The following CDC42BPA variants were observed in gnomAD, a reference collection of about 807,000 sequenced individuals.
The protein encoded by CDC42BPA is CDC42 binding protein kinase alpha.
CDC42BPA carries 80 observed loss-of-function variants against 223.5 expected under a neutral mutation model. That is an observed-to-expected ratio of 0.36 (90% CI 0.30 to 0.43). The LOEUF is 0.43. CDC42BPA is among the 20% of genes least tolerant of loss of function. The probability of loss-of-function intolerance (pLI) is 1.00; values close to 1 mark genes in which losing one functional copy is unlikely to be tolerated. For missense variants in CDC42BPA, 1,743 were observed against 2,099.9 expected (o/e 0.83, Z 3.32); for synonymous variants, 694 against 718.6 (o/e 0.97, Z 0.55).
chr1:227,160,357 T>G (rs1353907756), intron 6 of CDC42BPA, among the ~76,000 whole-genome samples, 186 bp downstream of exon 6: 1 of 152,172 alleles, frequency 6.6e-6, no homozygotes, highest in Non-Finnish European at 1.5e-5. Flanking sequence ...TGAAATGGCT[T>G]GTGACTTTTT....
At chr1:227,270,867 G>T (rs573827388) in intron 1 of CDC42BPA, among the ~76,000 whole-genome samples, 1 of 152,122 alleles carries the variant, frequency 6.6e-6, no homozygotes, top group Non-Finnish European at 1.5e-5. Context: ...CACTAGGCAT[G>T]TTTTCAAGGT....
chr1:227,026,322 C>T (rs904038841), intron 30 of CDC42BPA, among the ~76,000 whole-genome samples, 170 bp from the exon 31 acceptor site: 4 of 152,056 alleles, frequency 2.6e-5, no homozygotes, highest in East Asian at 3.9e-4. Flanking sequence ...GAACATATAT[C>T]GTAAATGAGG....
At chr1:227,014,621 C>A (rs1320581741) in intron 34 of CDC42BPA, among the ~76,000 whole-genome samples, 3 of 151,932 alleles carry the variant, frequency 2.0e-5, no homozygotes, top group African/African-American at 7.3e-5. Flanking sequence ...TATTATCAAT[C>A]AATTTCTCTG....
chr1:227,030,489 T>C lies in CDC42BPA; in HGVS notation c.3776-19A>G, dbSNP rs1669081983. The C allele has an allele frequency of 1.3e-6, 2 of 1,496,848 alleles. No individual in the cohort carries two copies. The highest frequency in any genetic ancestry group is 2.1e-5 in the Admixed American group (1 of 47,830). The allele number at this position is 1,496,848 out of a possible 1,614,324, so 92.7% of individuals were successfully genotyped here. On this transcript the variant is annotated intron_variant, in intron 28 of 36. Coordinates refer to ENST00000366766, the MANE Select transcript of CDC42BPA (RefSeq NM_001394014.1). ...TCATGATCTATGTAAGACATGAATGTGAAAGATTTTTATTAGGAAAAAAAC... is the reference window on the plus strand; with the variant it reads ...TCATGATCTATGTAAGACATGAATGCGAAAGATTTTTATTAGGAAAAAAAC...
intron 1 of CDC42BPA, chr1:227,264,731 T>C (rs1684690761): frequency 6.6e-6 from 5 of 756,708 alleles, no homozygotes; most frequent in Non-Finnish European, 9.4e-6. Context: ...CAGTCCATTA[T>C]GTACATATTC....
chr1:227,072,809 G>A (rs1161253007), intron 19 of CDC42BPA, among the ~76,000 whole-genome samples: 7 of 151,962 alleles, frequency 4.6e-5, no homozygotes, highest in African/African-American at 1.7e-4. Flanking sequence ...AAACTCATCT[G>A]TCCTAGGCAT....
intron 2 of CDC42BPA, among the ~76,000 whole-genome samples, chr1:227,244,468 T>TA (rs1046652545): frequency 7.0e-6 from 1 of 141,972 alleles, no homozygotes; most frequent in African/African-American, 2.7e-5. Context: ...TCAGAATAGT[T>TA]AACAAGGAAG....
chr1:227,018,726 C>A (rs1163792833), intron 32 of CDC42BPA, among the ~76,000 whole-genome samples: 2 of 152,136 alleles, frequency 1.3e-5, no homozygotes, highest in African/African-American at 4.8e-5. Flanking sequence ...AAACAAATAT[C>A]AAAATAAAGC....
chr1:227,003,915 T>A (rs1023834764), intron 35 of CDC42BPA: 1 of 152,234 alleles, frequency 6.6e-6, no homozygotes, highest in African/African-American at 2.4e-5. Flanking sequence ...TATGTATTTT[T>A]ACCCCCAGCA....
intron 11 of CDC42BPA, among the ~76,000 whole-genome samples, chr1:227,128,319 T>TG (rs1446507838): frequency 6.6e-6 from 1 of 152,200 alleles, no homozygotes; most frequent in Admixed American, 6.5e-5. Context: ...GGCCTACCCC[T>TG]GGAGCACTAT....
intron 1 of CDC42BPA, among the ~76,000 whole-genome samples, chr1:227,306,057 A>C (rs1024659610): frequency 2.0e-5 from 3 of 151,906 alleles, no homozygotes; most frequent in African/African-American, 7.3e-5. Context: ...AGGAGTTCAA[A>C]TGTCATTCTG....
Position 227,112,372 on chromosome 1 carries a change from C to A in CDC42BPA, c.1941G>T (p.Lys647Asn). Reference protein sequence around the residue: ...ALAAEASKDRKLREQSEHYSK... With the variant: ...ALAAEASKDRNLREQSEHYSK... ...AATAGTGCTCACTCTGTTCACGTAG[C>A]TTCCTGTCTTTAGATGCTTCAGCAG... The change falls in exon 14 of 37, where the codon AAG becomes AAT. Residue 647 changes from lysine (K) to asparagine (N), a missense_variant. Transcript: ENST00000366766. The A allele has an allele frequency of 6.2e-7, 1 of 1,608,792 alleles. No individual in the cohort carries two copies. The highest frequency in any genetic ancestry group is 8.5e-7 in the Non-Finnish European group (1 of 1,177,576).
At chr1:227,219,090 A>G (rs755064456) in intron 2 of CDC42BPA, among the ~76,000 whole-genome samples, 3 of 152,204 alleles carry the variant, frequency 2.0e-5, no homozygotes, top group South Asian at 2.1e-4. Context: ...ATCATGCAAT[A>G]TAACTTCTTA....
chr1:227,199,774 A>C, intron 3 of CDC42BPA, 122 bp from the exon 4 acceptor site: 1 of 489,020 alleles, frequency 2.0e-6, no homozygotes, highest in Non-Finnish European at 3.5e-6. Flanking sequence ...ATATTATAAG[A>C]CATTTCAATA....
intron 1 of CDC42BPA, among the ~76,000 whole-genome samples, chr1:227,292,296 A>G (rs1435111329): frequency 6.8e-6 from 1 of 146,652 alleles, no homozygotes; most frequent in East Asian, 2.0e-4. Context: ...TTTTTAAAGT[A>G]TCATAGTGTT....
At chr1:227,167,663 G>A (rs1665277093) in intron 5 of CDC42BPA, among the ~76,000 whole-genome samples, 1 of 151,990 alleles carries the variant, frequency 6.6e-6, no homozygotes, top group African/African-American at 2.4e-5. Flanking sequence ...TAGATTTCAG[G>A]TTAGTTGGTT....
At position 227,028,771 on chromosome 1, in the gene CDC42BPA, T is replaced by C. The variant is rs1422007020; in HGVS notation, c.4318A>G (p.Ile1440Val). The change falls in exon 30 of 37, where the codon ATC becomes GTC. Residue 1440 changes from isoleucine (I) to valine (V), a missense_variant. Coordinates refer to ENST00000366766, the MANE Select transcript of CDC42BPA (RefSeq NM_001394014.1). ...QPMDAICAVEISSKEYLLCFN... is the reference protein window; with the variant it reads ...QPMDAICAVEVSSKEYLLCFN... The stretch of plus-strand genomic sequence containing the variant: ...CACAGCAGATATTCTTTACTGGAGA[T>C]CTCAACTGCGCAGATAGCATCCATT... 1 of 1,614,006 alleles carries C rather than the reference T, an allele frequency of 6.2e-7. No individual in the cohort carries two copies. The highest frequency in any genetic ancestry group is 8.5e-7 in the Non-Finnish European group (1 of 1,179,982).
intron 17 of CDC42BPA, among the ~76,000 whole-genome samples, chr1:227,076,536 C>T (rs1356374717): frequency 6.6e-6 from 1 of 152,266 alleles, no homozygotes; most frequent in Non-Finnish European, 1.5e-5. Flanking sequence ...GGATTACAGG[C>T]GTGAGCCACC....
chr1:227,193,803 C>G lies in CDC42BPA; in HGVS notation c.582G>C (p.Gln194His). The change falls in exon 5 of 37, where the codon CAG becomes CAC. Residue 194 changes from glutamine to histidine, a missense_variant. Transcript: ENST00000366766. Reference protein sequence around the residue: ...EMVIAIDSVHQLHYVHRDIKP... With the variant: ...EMVIAIDSVHHLHYVHRDIKP... ...TGTTTTACCTGTGTACATAATGTAG[C>G]TGATGAACTGAGTCAATTGCTATCA... is the stretch of plus-strand genomic sequence containing the variant. 6.2e-7 allele frequency: 1 copy of G among 1,612,030 alleles called. No individual in the cohort carries two copies. Among genetic ancestry groups the G allele is most frequent in the East Asian group, 2.2e-5 (1 of 44,788 alleles).
Sources: gnomAD v4.1 joint callset for allele counts (sites outside exome capture counted in the v4.1 genomes callset) on GRCh38, gnomAD v4.1.1 for gene constraint, MANE v1.5 for transcripts, NCBI Gene and HGNC (gene_info 2026-07-23, HGNC 2026-07-21) for gene names.